Variants in EML6 observed in about 807,000 individuals in gnomAD.
The protein encoded by EML6 is EMAP like 6.
Under a neutral mutation model 240.1 loss-of-function variants are expected in EML6, and 154 were observed. The ratio of observed to expected loss-of-function variants is 0.64; its 90% CI spans 0.56 to 0.73. The LOEUF is 0.73. Among genes scored for constraint, EML6 ranks in the 30% least tolerant of loss-of-function variants. The pLI, the probability that EML6 is intolerant of heterozygous loss-of-function variation, is 0.00. For missense variants in EML6, 2,964 were observed against 2,474.6 expected (o/e 1.20, Z -4.20); for synonymous variants, 1,148 against 899.0 (o/e 1.28, Z -4.95).
chr2:54,961,184 G>GTTTT lies in EML6; in HGVS notation c.4968+866_4968+869dup, dbSNP rs575621987. On this transcript the variant is annotated intron_variant, in intron 35 of 41. Transcript: ENST00000356458. ...GGAGCCTGGAAGTTATCAGGAAGTAGTTTTTTTTTTTTTTTTTTTGAGACG... is the reference window on the plus strand; with the variant it reads ...GGAGCCTGGAAGTTATCAGGAAGTAGTTTTTTTTTTTTTTTTTTTTTTTGAGACG... Among the ~76,000 whole-genome samples, 27 of 55,424 alleles carry GTTTT rather than the reference G, an allele frequency of 4.9e-4. 7 individuals carry two copies. The highest frequency in any genetic ancestry group is 1.6e-3 in the African/African-American group (20 of 12,356). 36.4% of individuals were successfully genotyped at this position (55,424 alleles called of 152,430 possible). A position where few individuals can be genotyped will look rare whatever the true frequency, so the allele number is the denominator to read the frequency against.
chr2:54,783,956 A>G (rs1292966905), intron 2 of EML6, among the ~76,000 whole-genome samples: 1 of 152,032 alleles, frequency 6.6e-6, no homozygotes, highest in Non-Finnish European at 1.5e-5. Context: ...GAACTGTTTC[A>G]ATTTTTTTTT....
At chr2:54,841,991 C>T (rs116924611) in intron 7 of EML6, among the ~76,000 whole-genome samples, 1 of 152,198 alleles carries the variant, frequency 6.6e-6, no homozygotes, top group East Asian at 1.9e-4. Context: ...CCACCCACAA[C>T]ACACATACAT....
intron 5 of EML6, among the ~76,000 whole-genome samples, chr2:54,826,984 C>A (rs1194557723): frequency 6.6e-6 from 1 of 152,072 alleles, no homozygotes; most frequent in Non-Finnish European, 1.5e-5. Context: ...ACCAGCCTGG[C>A]CAACATGGAG....
chr2:54,937,631 C>G (rs1406822360), intron 28 of EML6, among the ~76,000 whole-genome samples: 1 of 143,212 alleles, frequency 7.0e-6, no homozygotes, highest in Non-Finnish European at 1.5e-5. Context: ...TTAGCTCCAA[C>G]TTAGTGTAGT....
intron 33 of EML6, 147 bp downstream of exon 33, chr2:54,958,145 C>A: frequency 1.5e-6 from 1 of 661,340 alleles, no homozygotes; most frequent in Non-Finnish European, 2.6e-6. Context: ...TTATCTGCAA[C>A]CACTGTTCCT....
chr2:54,833,342 C>T (rs7592363), intron 7 of EML6, among the ~76,000 whole-genome samples: 27,216 of 152,150 alleles, frequency 0.18, 3,411 homozygotes, highest in African/African-American at 0.35. Context: ...CATACATTTG[C>T]ATCTTCTAAT....
chr2:54,910,812 C>T (rs1396145834), intron 24 of EML6, 142 bp from the exon 25 acceptor site: 21 of 552,168 alleles, frequency 3.8e-5, no homozygotes, highest in South Asian at 1.1e-4. Flanking sequence ...TGTACATGCC[C>T]TTCTGAATAA....
chr2:54,799,141 A>C (rs2358063), intron 2 of EML6, among the ~76,000 whole-genome samples: 24,463 of 152,158 alleles, frequency 0.16, 2,362 homozygotes, highest in Non-Finnish European at 0.21. Context: ...GTTCACTGCA[A>C]CCTCTGCCTC....
rs1675819163 is a variant in EML6, at chr2:54,948,805, T to G, written c.4005-77T>G. 5.1e-6 allele frequency: 6 copies of G among 1,170,962 alleles called. No homozygotes were observed. In the South Asian group the frequency reaches 7.9e-5, roughly 15 times the overall value. 72.5% of individuals were successfully genotyped at this position (1,170,962 alleles called of 1,614,324 possible). On this transcript the variant is annotated intron_variant, in intron 28 of 41. Transcript: ENST00000356458. ...AGGAGAGAGGAGGCCGGCACTGGCC[T>G]AGACAGGCCACACCGGGAAGGCAGC...
intron 5 of EML6, among the ~76,000 whole-genome samples, chr2:54,822,353 AT>A (rs1668372511): frequency 6.6e-6 from 1 of 152,164 alleles, no homozygotes; most frequent in Non-Finnish European, 1.5e-5. Flanking sequence ...AGAAATGTCA[AT>A]TCTCTTTGAT....
chr2:54,736,972 A>G (rs1243961555), intron 2 of EML6, among the ~76,000 whole-genome samples: 1 of 152,226 alleles, frequency 6.6e-6, no homozygotes, highest in Non-Finnish European at 1.5e-5. Context: ...GATTGAGGGA[A>G]TGTCCAGGTT....
At chr2:54,816,699 TA>T in intron 3 of EML6, 87 bp from the exon 4 acceptor site, 2 of 1,044,404 alleles carry the variant, frequency 1.9e-6, no homozygotes, top group Non-Finnish European at 2.9e-6. Context: ...ATTCAATGCC[TA>T]ACCCATAGTA....
At chr2:54,934,009 A>G (rs980095801) in intron 28 of EML6, among the ~76,000 whole-genome samples, 5 of 152,116 alleles carry the variant, frequency 3.3e-5, no homozygotes, top group African/African-American at 1.2e-4. Context: ...TGAAGGAGGG[A>G]GAATGAGACA....
chr2:54,827,452 G>C (rs1451839002), intron 5 of EML6, 114 bp from the exon 6 acceptor site: 2 of 821,608 alleles, frequency 2.4e-6, no homozygotes, highest in Non-Finnish European at 3.8e-6. Flanking sequence ...TAACTTATTT[G>C]TGCCTAGCTT....
intron 8 of EML6, among the ~76,000 whole-genome samples, chr2:54,844,927 A>G (rs540656969): frequency 2.6e-5 from 4 of 152,340 alleles, no homozygotes; most frequent in East Asian, 1.9e-4. Context: ...TGTTACCCCA[A>G]TTTCAGTATT....
chr2:54,959,411 G>A (rs1676392226), intron 34 of EML6, 150 bp downstream of exon 34: 2 of 746,856 alleles, frequency 2.7e-6, no homozygotes, highest in African/African-American at 1.8e-5. Flanking sequence ...CTCCAAGAGG[G>A]CCCTAAGTCA....
At chr2:54,967,942 T>C (rs993635306) in intron 39 of EML6, among the ~76,000 whole-genome samples, 186 bp from the exon 40 acceptor site, 2 of 152,192 alleles carry the variant, frequency 1.3e-5, no homozygotes, top group African/African-American at 4.8e-5. Flanking sequence ...CCGCCACCAC[T>C]GCTCACCTCC....
chr2:54,950,984 C>T (rs191172378), intron 30 of EML6, among the ~76,000 whole-genome samples: 4 of 152,204 alleles, frequency 2.6e-5, no homozygotes, highest in Non-Finnish European at 1.5e-5. Context: ...CTGAGCTTGA[C>T]CTCACCTCAT....
At chr2:54,765,917 TAAG>T (rs1668169537) in intron 2 of EML6, among the ~76,000 whole-genome samples, 2 of 152,218 alleles carry the variant, frequency 1.3e-5, no homozygotes, top group African/African-American at 4.8e-5. Context: ...CCAAGATGTG[TAAG>T]AAGAATACCA....
Sources: gnomAD v4.1 joint callset for allele counts (sites outside exome capture counted in the v4.1 genomes callset) on GRCh38, gnomAD v4.1.1 for gene constraint, MANE v1.5 for transcripts, NCBI Gene and HGNC (gene_info 2026-07-23, HGNC 2026-07-21) for gene names.